The following NUP188 variants were observed in gnomAD, a reference collection of about 807,000 sequenced individuals.
The protein encoded by NUP188 is nucleoporin 188, also known as nucleoporin NUP188.
Under a neutral mutation model 223.0 loss-of-function variants are expected in NUP188, and 97 were observed. The ratio of observed to expected loss-of-function variants is 0.43; its 90% CI spans 0.37 to 0.51. The LOEUF (loss-of-function observed/expected upper bound fraction) is 0.51. Ranked by LOEUF, NUP188 falls within the 20% of genes least tolerant of loss-of-function variation. The probability of loss-of-function intolerance (pLI) is 0.00; values close to 1 mark genes in which losing one functional copy is unlikely to be tolerated. For synonymous variants in NUP188, 869 were observed against 828.0 expected, an observed-to-expected ratio of 1.05 and a Z score of -0.85; for missense variants, 1,947 against 2,175.6, an observed-to-expected ratio of 0.89 and a Z score of 2.09.
intron 8 of NUP188, among the ~76,000 whole-genome samples, chr9:128,962,248 C>CTTT (rs1227664142): frequency 3.8e-5 from 5 of 132,190 alleles, no homozygotes; most frequent in African/African-American, 1.4e-4. Flanking sequence ...ACACCATACT[C>CTTT]TTTTTTTTTT....
At chr9:128,967,774 G>T (rs1402086305) in intron 8 of NUP188, among the ~76,000 whole-genome samples, 1 of 151,006 alleles carries the variant, frequency 6.6e-6, no homozygotes, top group Non-Finnish European at 1.5e-5. Context: ...TGGGGGATAA[G>T]AGTGAGACTT....
rs143124086 is a variant in NUP188, at chr9:128,995,720, GA to G, written c.3351+208del. The stretch of plus-strand genomic sequence containing the variant: ...AGGAGACCATTAAGAGGAATGCAGA[GA>G]AGTGATTTGAAATCCTTTCAGAGTT... On this transcript the variant is annotated intron_variant, in intron 30 of 43. Transcript: ENST00000372577. 2.4e-3 allele frequency among the ~76,000 whole-genome samples: 372 copies of G among 152,314 alleles called. 7 individuals are homozygous for G. The East Asian group carries it at 0.042, about 17-fold the overall frequency.
intron 8 of NUP188, among the ~76,000 whole-genome samples, chr9:128,967,517 G>A (rs747504042): frequency 1.3e-5 from 2 of 151,906 alleles, no homozygotes; most frequent in Non-Finnish European, 2.9e-5. Flanking sequence ...TTGGCTGGGC[G>A]CGGTGGCTCA....
chr9:128,995,352 G>A lies in NUP188; in HGVS notation c.3189G>A (p.Leu1063=), dbSNP rs1842504193. 3.7e-6 allele frequency: 6 copies of A among 1,614,130 alleles called. No homozygotes were observed. The highest frequency in any genetic ancestry group is 5.1e-6 in the Non-Finnish European group (6 of 1,179,980). The change falls in exon 30 of 44, where the codon CTG becomes CTA. Residue 1063 remains leucine, a synonymous_variant. Coordinates refer to ENST00000372577, the MANE Select transcript of NUP188 (RefSeq NM_015354.3). ...TAGACCAGTCATTAAAGGATACACTGAAGAAATTTTCCATCGAGAAACGCT... is the reference window on the plus strand; with the variant it reads ...TAGACCAGTCATTAAAGGATACACTAAAGAAATTTTCCATCGAGAAACGCT... ...GSLDQSLKDT[L]KKFSIEKRFA... is the part of the protein sequence containing the mutation.
chr9:128,996,905 G>A (rs995737521), intron 30 of NUP188, among the ~76,000 whole-genome samples: 11 of 152,194 alleles, frequency 7.2e-5, no homozygotes, highest in South Asian at 6.2e-4. Context: ...TTAGTGGAAC[G>A]CTTCCAGGCA....
At chr9:128,999,016 C>G (rs1842586160) in intron 32 of NUP188, among the ~76,000 whole-genome samples, 156 bp from the exon 33 acceptor site, 1 of 151,994 alleles carries the variant, frequency 6.6e-6, no homozygotes, top group African/African-American at 2.4e-5. Flanking sequence ...GCTACCATGC[C>G]TAATTTTTGT....
chr9:128,979,405 C>A (rs892823775), intron 13 of NUP188, 78 bp downstream of exon 13: 3 of 959,082 alleles, frequency 3.1e-6, no homozygotes, highest in Non-Finnish European at 3.3e-6. Context: ...TTGTACTAAG[C>A]ATTCATGTGC....
At chr9:128,950,950 A>G (rs1841774458) in intron 2 of NUP188, among the ~76,000 whole-genome samples, 1 of 152,152 alleles carries the variant, frequency 6.6e-6, no homozygotes, top group Admixed American at 6.6e-5. Flanking sequence ...TTTTATGAAA[A>G]GATACCTGTG....
chr9:129,002,914 G>T lies in NUP188; in HGVS notation c.4235G>T (p.Arg1412Leu). 6.2e-7 allele frequency: 1 copy of T among 1,614,232 alleles called. No individual in the cohort carries two copies. The change falls in exon 37 of 44, where the codon CGC becomes CTC. Residue 1412 changes from arginine (R) to leucine (L), a missense_variant. This residue lies in a region of NUP188 where 905 missense variants were observed against 990.6 expected (regional missense o/e 0.91). Coordinates refer to ENST00000372577, the MANE Select transcript of NUP188 (RefSeq NM_015354.3). ...ATGGAGCAGCTGCTCAAAACTCTGC[G>T]CTACAACTTCCTGCCTGAGGCCCTG... ...SLMEQLLKTL[R>L]YNFLPEALDF...
chr9:128,974,391 T>TG (rs200604063), intron 12 of NUP188, among the ~76,000 whole-genome samples: 4 of 145,144 alleles, frequency 2.8e-5, no homozygotes, highest in Admixed American at 6.9e-5. Flanking sequence ...AGGTTGTTGT[T>TG]TTTTTTTTTT....
rs1015458527 is a variant in NUP188, at chr9:128,994,906, G to A, written c.3138G>A (p.Glu1046=). The change falls in exon 29 of 44, where the codon GAG becomes GAA. Residue 1046 remains glutamate (E), a synonymous_variant. Transcript: ENST00000372577. Reference sequence around the variant, plus strand: ...TAATCATGAAGATAATTTGCTTGGAGATATACTATGTAGTAAAGTGAGTAC... The same window carrying A: ...TAATCATGAAGATAATTTGCTTGGAAATATACTATGTAGTAAAGTGAGTAC... ...CALIMKIICL[E]IYYVVKGSLD... 6.2e-7 allele frequency: 1 copy of A among 1,612,858 alleles called. No homozygotes were observed. Among genetic ancestry groups the A allele is most frequent in the Non-Finnish European group, 8.5e-7 (1 of 1,178,808 alleles).
At chr9:128,994,721 A>C (rs1244911087) in intron 28 of NUP188, 135 bp from the exon 29 acceptor site, 1 of 773,422 alleles carries the variant, frequency 1.3e-6, no homozygotes, top group African/African-American at 1.7e-5. Flanking sequence ...CTTGCAAGTC[A>C]GGACATTCAC....
intron 12 of NUP188, among the ~76,000 whole-genome samples, chr9:128,976,524 A>G (rs1842176726): frequency 6.6e-6 from 1 of 152,102 alleles, no homozygotes; most frequent in African/African-American, 2.4e-5. Flanking sequence ...TACAAAAATT[A>G]GCTGGACATG....
chr9:128,973,478 G>A lies in NUP188; in HGVS notation c.1203+229G>A, dbSNP rs551343848. On this transcript the variant is annotated intron_variant, in intron 12 of 43. Coordinates refer to ENST00000372577, the MANE Select transcript of NUP188 (RefSeq NM_015354.3). ...GCTCACTGCAGCGTCCGCCTCCTGG[G>A]TTCGAGCGATTCTCCTGTCTCAGTC... Among the ~76,000 whole-genome samples, 15 of 152,228 alleles carry A rather than the reference G, an allele frequency of 9.9e-5. No individual in the cohort carries two copies. In the South Asian group the frequency reaches 2.9e-3, roughly 29 times the overall value.
intron 38 of NUP188, 155 bp downstream of exon 38, chr9:129,003,609 C>T: frequency 1.1e-6 from 1 of 885,804 alleles, no homozygotes; most frequent in Non-Finnish European, 1.8e-6. Flanking sequence ...TGTGCTTACT[C>T]TGGCTAAATG....
intron 12 of NUP188, among the ~76,000 whole-genome samples, chr9:128,978,215 A>G (rs1248330618): frequency 6.6e-6 from 1 of 151,614 alleles, no homozygotes; most frequent in Non-Finnish European, 1.5e-5. Context: ...CAGTCTTGGC[A>G]ACAGAGCAAG....
At chr9:128,994,569 A>G in intron 28 of NUP188, 127 bp downstream of exon 28, 1 of 754,420 alleles carries the variant, frequency 1.3e-6, no homozygotes. Context: ...CTTCACTAGA[A>G]ACGTCTTTCT....
chr9:128,982,542 C>G lies in NUP188; in HGVS notation c.1517-7C>G. ...AGATATTAGACTAATTTATCTTTCT[C>G]TCTCAGGGGGTCAAACCAACCTTCG... On this transcript the variant is annotated splice_region_variant and splice_polypyrimidine_tract_variant and intron_variant, in intron 15 of 43. Transcript: ENST00000372577. The G allele has an allele frequency of 6.2e-7, 1 of 1,605,582 alleles. No individual in the cohort carries two copies. Among genetic ancestry groups the G allele is most frequent in the Non-Finnish European group, 8.5e-7 (1 of 1,176,998 alleles).
intron 6 of NUP188, among the ~76,000 whole-genome samples, chr9:128,958,421 C>T (rs1036833909): frequency 2.0e-5 from 3 of 152,046 alleles, no homozygotes; most frequent in Non-Finnish European, 2.9e-5. Context: ...AAGAAGTTTC[C>T]TATTTTATAT....
Sources: allele counts gnomAD v4.1 joint callset (sites outside exome capture counted in the v4.1 genomes callset), GRCh38; gene constraint gnomAD v4.1.1; regional missense constraint gnomAD v4.1.1; transcripts MANE v1.5; gene names NCBI Gene and HGNC (gene_info 2026-07-23, HGNC 2026-07-21).